The following NAALADL2 variants were observed in gnomAD, a reference collection of about 807,000 sequenced individuals.
NAALADL2 encodes N-acetylated alpha-linked acidic dipeptidase like 2, also known as inactive N-acetylated-alpha-linked acidic dipeptidase-like protein 2.
Under a neutral mutation model 87.2 loss-of-function variants are expected in NAALADL2, and 76 were observed. The observed-to-expected ratio is 0.87, with a 90% CI of 0.72 to 1.05. NAALADL2 has a LOEUF of 1.05. Among genes scored for constraint, NAALADL2 ranks in the 50% least tolerant of loss-of-function variants. NAALADL2 has a pLI of 0.00. For synonymous variants in NAALADL2, 354 were observed against 331.0 expected (o/e 1.07, Z -0.75); for missense variants, 1,089 against 945.8 (o/e 1.15, Z -1.99).
chr3:174,796,175 C>A (rs997374094), intron 3 of NAALADL2, among the ~76,000 whole-genome samples: 2 of 152,172 alleles, frequency 1.3e-5, no homozygotes, highest in African/African-American at 4.8e-5. Flanking sequence ...AAGCAGACAT[C>A]TGCGAGCCAA....
At chr3:175,471,161 A>T (rs1025233676) in intron 8 of NAALADL2, among the ~76,000 whole-genome samples, 1 of 152,082 alleles carries the variant, frequency 6.6e-6, no homozygotes, top group Non-Finnish European at 1.5e-5. Flanking sequence ...CTTTGTGTAC[A>T]CTATTACATA....
At chr3:175,403,806 G>A (rs532234426) in intron 5 of NAALADL2, among the ~76,000 whole-genome samples, 1 of 152,182 alleles carries the variant, frequency 6.6e-6, no homozygotes, top group East Asian at 1.9e-4. Context: ...TGGTTGTGCA[G>A]AATTTCTAAA....
chr3:175,685,463 T>A (rs1285121436), intron 11 of NAALADL2, among the ~76,000 whole-genome samples: 1 of 151,208 alleles, frequency 6.6e-6, no homozygotes. Context: ...TGTGTGTGTG[T>A]GTGTGTGTGT....
intron 1 of NAALADL2, among the ~76,000 whole-genome samples, chr3:174,915,749 A>G (rs978576682): frequency 1.3e-5 from 2 of 152,176 alleles, no homozygotes; most frequent in Non-Finnish European, 2.9e-5. Context: ...TAAATTGTAT[A>G]TTAAATACTA....
chr3:174,886,470 A>G (rs2109758394), intron 1 of NAALADL2, among the ~76,000 whole-genome samples: 1 of 152,296 alleles, frequency 6.6e-6, no homozygotes, highest in Middle Eastern at 3.4e-3. Context: ...CATGAACAAT[A>G]CTTTGTATCC....
intron 1 of NAALADL2, among the ~76,000 whole-genome samples, chr3:175,043,250 T>A (rs1403157411): frequency 6.6e-6 from 1 of 152,162 alleles, no homozygotes; most frequent in African/African-American, 2.4e-5. Flanking sequence ...TTTCTTTGTA[T>A]GTTTTGGATA....
intron 2 of NAALADL2, among the ~76,000 whole-genome samples, chr3:175,164,140 A>AT (rs527459441): frequency 1.4e-3 from 212 of 152,226 alleles, no homozygotes; most frequent in African/African-American, 4.9e-3. Flanking sequence ...AAAAATGTCC[A>AT]TTTTTTGTTT....
At chr3:174,883,161 A>G (rs1020470340) in intron 1 of NAALADL2, among the ~76,000 whole-genome samples, 6 of 151,868 alleles carry the variant, frequency 4.0e-5, no homozygotes, top group Non-Finnish European at 7.4e-5. Context: ...CATGCTAGCC[A>G]CTGATTAGAT....
intron 2 of NAALADL2, among the ~76,000 whole-genome samples, chr3:174,663,537 CAG>C (rs1282348433): frequency 5.9e-5 from 9 of 152,080 alleles, no homozygotes; most frequent in Non-Finnish European, 1.0e-4. Context: ...AGGAGCAAGA[CAG>C]AGGGGAGAGA....
intron 1 of NAALADL2, among the ~76,000 whole-genome samples, chr3:174,881,657 C>T (rs948304448): frequency 6.6e-6 from 1 of 152,098 alleles, no homozygotes; most frequent in South Asian, 2.1e-4. Context: ...GTACTCCATG[C>T]GGGCAGCATG....
At position 174,671,162 on chromosome 3, in the gene NAALADL2, C is replaced by T. The variant is rs114012469; in HGVS notation, c.-114-66479C>T. On this transcript the variant is annotated intron_variant, in intron 2 of 3. Coordinates refer to the NAALADL2 transcript ENST00000434257. ...TAAACCTCTTTTCTTTATAAATTACCCAGTCTCAGGTATTTCCTGATAGTA... is the reference window on the plus strand; with the variant it reads ...TAAACCTCTTTTCTTTATAAATTACTCAGTCTCAGGTATTTCCTGATAGTA... 4.1e-3 allele frequency among the ~76,000 whole-genome samples: 622 copies of T among 152,106 alleles called. 4 individuals are homozygous for T. Among genetic ancestry groups the T allele is most frequent in the African/African-American group, 0.014 (595 of 41,494 alleles).
At chr3:175,477,616 G>A (rs903298881) in intron 9 of NAALADL2, among the ~76,000 whole-genome samples, 1 of 151,934 alleles carries the variant, frequency 6.6e-6, no homozygotes, top group Non-Finnish European at 1.5e-5. Flanking sequence ...TTATGTGTTT[G>A]TTATTCCAAC....
intron 11 of NAALADL2, among the ~76,000 whole-genome samples, chr3:175,634,042 A>G (rs572448367): frequency 2.6e-5 from 4 of 152,022 alleles, no homozygotes; most frequent in Middle Eastern, 3.4e-3. Context: ...GGTAATTTTT[A>G]TAGAGTTTAA....
chr3:174,575,050 C>A (rs1382030701), intron 2 of NAALADL2, among the ~76,000 whole-genome samples: 1 of 151,946 alleles, frequency 6.6e-6, no homozygotes, highest in Non-Finnish European at 1.5e-5. Flanking sequence ...ATGGCTGTGT[C>A]ATAGGGTAGC....
chr3:174,682,295 C>A (rs1560141099), intron 2 of NAALADL2, among the ~76,000 whole-genome samples: 2 of 152,180 alleles, frequency 1.3e-5, no homozygotes, highest in Admixed American at 1.3e-4. Context: ...GGCTTCTGGA[C>A]AGCATCTCTG....
intron 1 of NAALADL2, among the ~76,000 whole-genome samples, chr3:175,022,028 C>G (rs937686662): frequency 6.6e-6 from 1 of 151,872 alleles, no homozygotes; most frequent in African/African-American, 2.4e-5. Flanking sequence ...CAGGTGAGAT[C>G]TGGTTGTTAA....
chr3:174,604,238 A>G (rs1388577121), intron 2 of NAALADL2, among the ~76,000 whole-genome samples: 14 of 152,136 alleles, frequency 9.2e-5, no homozygotes, highest in Non-Finnish European at 1.6e-4. Context: ...TTATATATCT[A>G]GGTGATTCAG....
chr3:174,606,254 G>T (rs1719045623), intron 2 of NAALADL2, among the ~76,000 whole-genome samples: 1 of 152,198 alleles, frequency 6.6e-6, no homozygotes, highest in Non-Finnish European at 1.5e-5. Flanking sequence ...ACTTTAAAAA[G>T]CAGAGCGCCT....
chr3:174,719,434 G>T (rs1047744193), intron 2 of NAALADL2, among the ~76,000 whole-genome samples: 1 of 152,136 alleles, frequency 6.6e-6, no homozygotes, highest in Non-Finnish European at 1.5e-5. Context: ...TTCAAAAGAG[G>T]TATATAACTT....
Sources: allele counts gnomAD v4.1 joint callset (sites outside exome capture counted in the v4.1 genomes callset), GRCh38; gene constraint gnomAD v4.1.1; transcripts MANE v1.5; gene names NCBI Gene and HGNC (gene_info 2026-07-23, HGNC 2026-07-21).